Variants in SUGT1 observed in about 807,000 individuals in gnomAD.
SUGT1 encodes protein SGT1 homolog.
Under a neutral mutation model 56.1 loss-of-function variants are expected in SUGT1, and 15 were observed. The observed-to-expected ratio is 0.27, with a 90% confidence interval of 0.18 to 0.41. SUGT1 has a LOEUF of 0.41. SUGT1 is among the 10% of genes least tolerant of loss of function. SUGT1 has a pLI of 1.00. For synonymous variants in SUGT1, 123 were observed against 128.6 expected (o/e 0.96, Z 0.30); for missense variants, 347 against 382.2 (o/e 0.91, Z 0.77).
At chr13:52,657,395 C>T (rs1020137659) in intron 2 of SUGT1, 137 bp from the exon 3 acceptor site, 4 of 774,096 alleles carry the variant, frequency 5.2e-6, no homozygotes, top group South Asian at 1.6e-5. Flanking sequence ...TAAGGAAAAA[C>T]TCCAATATTA....
chr13:52,669,210 T>C (rs1448184703), intron 10 of SUGT1, among the ~76,000 whole-genome samples: 4 of 152,210 alleles, frequency 2.6e-5, no homozygotes, highest in Non-Finnish European at 4.4e-5. Flanking sequence ...ATAAGAAGCA[T>C]GTTTTATTTG....
rs1566180723 is a variant in SUGT1, at chr13:52,664,019, T to C, written c.400-16T>C. On this transcript the variant is annotated splice_polypyrimidine_tract_variant and intron_variant, in intron 7 of 12. Transcript: ENST00000310528. ...ATCTTTCTCTTTCAACTTACCAAAA[T>C]CAATCTGCATCCCAGTGGACTCATC... 4 of 1,612,592 alleles carry C rather than the reference T, an allele frequency of 2.5e-6. No homozygotes were observed. The highest frequency in any genetic ancestry group is 1.7e-5 in the Admixed American group (1 of 59,834).
rs1466202691 is a variant in SUGT1 at position 52,658,437 on chromosome 13, C to A, written c.226C>A (p.Pro76Thr). Reference sequence around the variant, plus strand: ...TGCAAAGAAGTCTCTAGAACTCAATCCAAATAATTCCACTGCTATGCTGAG... The same window carrying A: ...TGCAAAGAAGTCTCTAGAACTCAATACAAATAATTCCACTGCTATGCTGAG... ...ADAKKSLELN[P>T]NNSTAMLRKG... Residue 76 changes from proline to threonine, a missense_variant, in exon 4 of 13, where the codon CCA (proline) becomes ACA (threonine). By Grantham distance (38) the Pro-to-Thr change is conservative (BLOSUM62 -1). Coordinates refer to ENST00000310528, the MANE Select transcript of SUGT1 (RefSeq NM_006704.5). The A allele has an allele frequency of 3.7e-6, 6 of 1,613,020 alleles. No homozygotes were observed. The highest frequency in any genetic ancestry group is 1.1e-5 in the South Asian group (1 of 90,756).
At chr13:52,674,332 CTT>C (rs1360412891) in intron 10 of SUGT1, among the ~76,000 whole-genome samples, 1 of 151,994 alleles carries the variant, frequency 6.6e-6, no homozygotes, top group Non-Finnish European at 1.5e-5. Flanking sequence ...GGTTACTACT[CTT>C]TGCCCTTATC....
chr13:52,673,252 TTTTG>T (rs1464369454), intron 10 of SUGT1, among the ~76,000 whole-genome samples: 3 of 15,326 alleles, frequency 2.0e-4, no homozygotes, highest in African/African-American at 7.5e-4. Flanking sequence ...CTTTTTTTTT[TTTTG>T]TGTGGGGGTA....
rs190936296 is a variant in SUGT1 at position 52,695,077 on chromosome 13, A to G, written c.*7242A>G. On this transcript the variant is annotated 3_prime_UTR_variant, in exon 13 of 13. Coordinates refer to ENST00000310528, the MANE Select transcript of SUGT1 (RefSeq NM_006704.5). The stretch of plus-strand genomic sequence containing the variant: ...GTGGAGCATATACAAGTGTGTAGAC[A>G]TTAATATGGGCTCACTGTCAGCTGG... 6.6e-6 allele frequency: 1 copy of G among 152,354 alleles called. No homozygotes were observed. Among genetic ancestry groups the G allele is most frequent in the East Asian group, 1.9e-4 (1 of 5,182 alleles). The allele number at this position is 152,354 out of a possible 1,614,324, so 9.4% of individuals were successfully genotyped here. A position where few individuals can be genotyped will look rare whatever the true frequency, so the allele number is the denominator to read the frequency against.
chr13:52,679,846 G>A (rs1231138208), intron 11 of SUGT1, 128 bp from the exon 12 acceptor site: 2 of 837,280 alleles, frequency 2.4e-6, no homozygotes, highest in African/African-American at 1.8e-5. Context: ...GACACTTATT[G>A]CATACCTGAA....
At chr13:52,681,565 A>G (rs1217602330) in intron 12 of SUGT1, among the ~76,000 whole-genome samples, 2 of 152,162 alleles carry the variant, frequency 1.3e-5, no homozygotes, top group African/African-American at 4.8e-5. Flanking sequence ...CATCACAACC[A>G]TGATACTGAC....
chr13:52,675,783 G>A (rs1040289760), intron 10 of SUGT1, among the ~76,000 whole-genome samples: 3 of 152,168 alleles, frequency 2.0e-5, no homozygotes, highest in Non-Finnish European at 4.4e-5. Flanking sequence ...TCTCTGTAAT[G>A]GCATTATTGA....
Position 52,691,495 on chromosome 13 carries a change from A to G in SUGT1, c.*3660A>G, listed in dbSNP as rs1418162610. The G allele has an allele frequency of 6.6e-6, 1 of 152,222 alleles. No homozygotes were observed. Among genetic ancestry groups the G allele is most frequent in the Non-Finnish European group, 1.5e-5 (1 of 68,038 alleles). 9.4% of individuals were successfully genotyped at this position (152,222 alleles called of 1,614,324 possible). ...CTGACCCAGAGCAAAATTGCATATT[A>G]GTTTACCATCTAATCAGCCTAATGC... On this transcript the variant is annotated 3_prime_UTR_variant, in exon 13 of 13. Coordinates refer to ENST00000310528, the MANE Select transcript of SUGT1 (RefSeq NM_006704.5).
intron 6 of SUGT1, 106 bp from the exon 7 acceptor site, chr13:52,662,990 G>T: frequency 7.8e-7 from 1 of 1,282,430 alleles, no homozygotes; most frequent in East Asian, 2.4e-5. Context: ...AAGGTACGGA[G>T]AATTTGCTTG....
rs1964056449 is a variant in SUGT1 at position 52,700,704 on chromosome 13, A to G, written c.*12869A>G. On this transcript the variant is annotated 3_prime_UTR_variant, in exon 13 of 13. Coordinates refer to ENST00000310528, the MANE Select transcript of SUGT1 (RefSeq NM_006704.5). ...CTTTTAGGACTGTCTATGCATGTAG[A>G]CTTTGGTCAACTCTCTCCTCCTCCC... 1 of 152,090 alleles carries G rather than the reference A, an allele frequency of 6.6e-6. No individual in the cohort carries two copies. Among genetic ancestry groups the G allele is most frequent in the Non-Finnish European group, 1.5e-5 (1 of 68,026 alleles). The allele number at this position is 152,090 out of a possible 1,614,324, so 9.4% of individuals were successfully genotyped here. A position where few individuals can be genotyped will look rare whatever the true frequency, so the allele number is the denominator to read the frequency against.
chr13:52,653,337 T>A (rs1158254481), intron 2 of SUGT1, among the ~76,000 whole-genome samples: 1 of 151,936 alleles, frequency 6.6e-6, no homozygotes, highest in Non-Finnish European at 1.5e-5. Context: ...GAGAAAAACC[T>A]CCTCTATTTC....
At position 52,692,148 on chromosome 13, in the gene SUGT1, TTAA is replaced by T. The variant is rs1289057678; in HGVS notation, c.*4315_*4317del. On this transcript the variant is annotated 3_prime_UTR_variant, in exon 13 of 13. Coordinates refer to ENST00000310528, the MANE Select transcript of SUGT1 (RefSeq NM_006704.5). ...TGGATTGGGTGGCATTATCTCATTT[TTAA>T]TCGCCCTTCAATAGCATCCCATTAT... The T allele has an allele frequency of 6.6e-6, 1 of 152,206 alleles. No individual in the cohort carries two copies. The highest frequency in any genetic ancestry group is 2.4e-5 in the African/African-American group (1 of 41,446). The allele number at this position is 152,206 out of a possible 1,614,324, so 9.4% of individuals were successfully genotyped here. A position where few individuals can be genotyped will look rare whatever the true frequency, so the allele number is the denominator to read the frequency against.
intron 10 of SUGT1, among the ~76,000 whole-genome samples, chr13:52,668,462 A>G (rs953250909): frequency 1.3e-5 from 2 of 152,192 alleles, no homozygotes; most frequent in Non-Finnish European, 2.9e-5. Context: ...AAGAAAGTGT[A>G]AAGTGAAGTA....
At chr13:52,683,870 T>C (rs929507354) in intron 12 of SUGT1, among the ~76,000 whole-genome samples, 4 of 152,098 alleles carry the variant, frequency 2.6e-5, no homozygotes, top group African/African-American at 9.7e-5. Context: ...GTATAGTCCC[T>C]TATTCTTTTT....
chr13:52,664,873 C>T (rs932024531), intron 8 of SUGT1, among the ~76,000 whole-genome samples: 3 of 152,052 alleles, frequency 2.0e-5, no homozygotes, highest in Non-Finnish European at 4.4e-5. Context: ...ATACGTGTAC[C>T]GGACACTGTG....
intron 11 of SUGT1, among the ~76,000 whole-genome samples, chr13:52,678,269 A>T (rs985316539): frequency 1.3e-5 from 2 of 152,126 alleles, no homozygotes; most frequent in African/African-American, 2.4e-5. Flanking sequence ...TTTCAAAACA[A>T]TATATTTGGC....
In SUGT1 at chr13:52,696,401, G is replaced by GC. The variant is rs1204030200; in HGVS notation, c.*8566_*8567insC. ...TTATGACACCTTCATGGTGTCACAT[G>GC]TTATAGGGTTAGTTGCGGCTGTGTC... On this transcript the variant is annotated 3_prime_UTR_variant, in exon 13 of 13. Coordinates refer to ENST00000310528, the MANE Select transcript of SUGT1 (RefSeq NM_006704.5). The GC allele has an allele frequency of 6.6e-6, 1 of 152,146 alleles. No individual in the cohort carries two copies. The highest frequency in any genetic ancestry group is 2.4e-5 in the African/African-American group (1 of 41,438). The allele number at this position is 152,146 out of a possible 1,614,324, so 9.4% of individuals were successfully genotyped here. A position where few individuals can be genotyped will look rare whatever the true frequency, so the allele number is the denominator to read the frequency against.
Sources: gnomAD v4.1 joint callset for allele counts (sites outside exome capture counted in the v4.1 genomes callset) on GRCh38, gnomAD v4.1.1 for gene constraint, MANE v1.5 for transcripts, NCBI Gene and HGNC (gene_info 2026-07-23, HGNC 2026-07-21) for gene names.